The following RANBP2 variants were observed in gnomAD, a reference collection of about 807,000 sequenced individuals.
RANBP2 encodes E3 SUMO-protein ligase RanBP2.
Under a neutral mutation model 303.6 loss-of-function variants are expected in RANBP2, and 57 were observed. That is an observed-to-expected ratio of 0.19 (90% CI 0.15 to 0.23). The LOEUF (loss-of-function observed/expected upper bound fraction) is 0.23. Ranked by LOEUF, RANBP2 falls within the 10% of genes least tolerant of loss-of-function variation. The pLI, the probability that RANBP2 is intolerant of heterozygous loss-of-function variation, is 1.00. For missense variants in RANBP2, 3,138 were observed against 3,780.8 expected (o/e 0.83, Z 4.46); for synonymous variants, 1,167 against 1,301.5 (o/e 0.90, Z 2.23).
the RANBP2 span, among the ~76,000 whole-genome samples, chr2:109,125,388 C>T: frequency 1.3e-5 from 2 of 152,226 alleles, no homozygotes; most frequent in African/African-American, 4.8e-5. Context: ...CGCCAAAAAC[C>T]TGACATACAG....
chr2:108,753,808 A>G lies in RANBP2; in HGVS notation c.2056-17A>G, dbSNP rs777599381. The G allele has an allele frequency of 6.2e-7, 1 of 1,611,874 alleles. No individual in the cohort carries two copies. The highest frequency in any genetic ancestry group is 1.1e-5 in the South Asian group (1 of 90,984). On this transcript the variant is annotated splice_polypyrimidine_tract_variant and intron_variant, in intron 14 of 28. Transcript: ENST00000283195. ...TTTTAAAAACCTAATGATTTCATAA[A>G]AGCACTATTTGTATAGATTTTTCAC...
the RANBP2 span, among the ~76,000 whole-genome samples, chr2:109,369,052 C>T: frequency 2.0e-5 from 3 of 152,106 alleles, no homozygotes; most frequent in Admixed American, 1.3e-4. Flanking sequence ...TAGAAAAGCC[C>T]TCCCACACTT....
chr2:109,212,249 A>G, the RANBP2 span, among the ~76,000 whole-genome samples: 413 of 151,940 alleles, frequency 2.7e-3, 4 homozygotes, highest in African/African-American at 9.6e-3. Context: ...CTTCCCTCCA[A>G]CTCCATGAAA....
the RANBP2 span, among the ~76,000 whole-genome samples, chr2:109,148,988 T>C: frequency 6.6e-6 from 1 of 152,360 alleles, no homozygotes; most frequent in South Asian, 2.1e-4. Flanking sequence ...TTTGTTTCCC[T>C]GTTTGCACTT....
At chr2:109,381,888 A>C in the RANBP2 span, among the ~76,000 whole-genome samples, 1 of 152,134 alleles carries the variant, frequency 6.6e-6, no homozygotes, top group African/African-American at 2.4e-5. Flanking sequence ...AGCTGAGTGC[A>C]TGTGCAATGG....
chr2:109,228,194 C>G, the RANBP2 span, among the ~76,000 whole-genome samples: 1 of 152,170 alleles, frequency 6.6e-6, no homozygotes, highest in Non-Finnish European at 1.5e-5. Flanking sequence ...ATAATACTGT[C>G]AGAAATTCAA....
At chr2:109,251,896 G>C in the RANBP2 span, among the ~76,000 whole-genome samples, 16 of 152,108 alleles carry the variant, frequency 1.1e-4, no homozygotes, top group African/African-American at 1.2e-4. Flanking sequence ...TCTAGACTTT[G>C]AGTTCTCAAC....
the RANBP2 span, among the ~76,000 whole-genome samples, chr2:109,459,066 G>T: frequency 6.6e-6 from 1 of 152,092 alleles, no homozygotes. Flanking sequence ...AAGAGTGCAT[G>T]CGCCCTTCCC....
At chr2:109,719,339 A>T in the RANBP2 span, among the ~76,000 whole-genome samples, 1 of 150,452 alleles carries the variant, frequency 6.6e-6, no homozygotes, top group African/African-American at 2.4e-5. Context: ...GCCTCAGATG[A>T]TCCTCCCACC....
At chr2:108,793,576 C>T in the RANBP2 span, among the ~76,000 whole-genome samples, 3,386 of 151,932 alleles carry the variant, frequency 0.022, 119 homozygotes, top group African/African-American at 0.078. Flanking sequence ...CTTATATACC[C>T]TCAGGAAACT....
the RANBP2 span, among the ~76,000 whole-genome samples, chr2:109,363,029 G>C: frequency 6.6e-6 from 1 of 151,944 alleles, no homozygotes; most frequent in Non-Finnish European, 1.5e-5. Context: ...TTTTTAATTT[G>C]TATATTTACA....
At chr2:109,511,800 C>A in the RANBP2 span, among the ~76,000 whole-genome samples, 1 of 152,260 alleles carries the variant, frequency 6.6e-6, no homozygotes, top group East Asian at 1.9e-4. Context: ...TGCCCCATGC[C>A]CCCAAATAAG....
chr2:109,078,134 TA>T, the RANBP2 span, among the ~76,000 whole-genome samples: 2 of 69,604 alleles, frequency 2.9e-5, no homozygotes, highest in South Asian at 3.7e-4. Flanking sequence ...TATATATATA[TA>T]GCGTGTATAT....
chr2:108,902,893 T>C, the RANBP2 span, among the ~76,000 whole-genome samples: 1 of 152,168 alleles, frequency 6.6e-6, no homozygotes, highest in African/African-American at 2.4e-5. Context: ...TGCTGGAAGG[T>C]ATAGCCAGTG....
chr2:109,347,824 T>C, the RANBP2 span: 8 of 1,613,954 alleles, frequency 5.0e-6, no homozygotes, highest in Admixed American at 1.7e-5. Flanking sequence ...CACACAGGGC[T>C]TCCTCCCAGC....
At chr2:109,433,481 C>T in the RANBP2 span, among the ~76,000 whole-genome samples, 3 of 152,340 alleles carry the variant, frequency 2.0e-5, no homozygotes, top group Non-Finnish European at 2.9e-5. Context: ...CAGTCAGCCT[C>T]ACTCACAGAA....
chr2:109,208,122 C>T, the RANBP2 span, among the ~76,000 whole-genome samples: 4 of 152,262 alleles, frequency 2.6e-5, no homozygotes, highest in Non-Finnish European at 1.5e-5. Context: ...TGCTGCTGCC[C>T]CCATGGGCTC....
the RANBP2 span, among the ~76,000 whole-genome samples, chr2:109,351,396 A>G: frequency 6.6e-6 from 1 of 152,238 alleles, no homozygotes; most frequent in Admixed American, 6.5e-5. Flanking sequence ...ACCACATGAT[A>G]TAAATAAATT....
At chr2:109,254,738 T>A in the RANBP2 span, among the ~76,000 whole-genome samples, 7 of 152,250 alleles carry the variant, frequency 4.6e-5, no homozygotes, top group East Asian at 1.4e-3. Context: ...GAGAGGAGCC[T>A]CTCATTGCCG....
Sources: gnomAD v4.1 joint callset for allele counts (sites outside exome capture counted in the v4.1 genomes callset) on GRCh38, gnomAD v4.1.1 for gene constraint, MANE v1.5 for transcripts, NCBI Gene and HGNC (gene_info 2026-07-23, HGNC 2026-07-21) for gene names.